DLG2: variants seen among roughly 807,000 people sequenced by gnomAD.
The protein encoded by DLG2 is disks large homolog 2.
Under a neutral mutation model 132.5 loss-of-function variants are expected in DLG2, and 45 were observed. The ratio of observed to expected loss-of-function variants is 0.34; its 90% CI spans 0.27 to 0.44. The LOEUF (loss-of-function observed/expected upper bound fraction) is 0.44. DLG2 is among the 20% of genes least tolerant of loss of function. The pLI is 1.00. For missense variants in DLG2, 1,045 were observed against 1,196.9 expected (o/e 0.87, Z 1.87); for synonymous variants, 424 against 419.6 (o/e 1.01, Z -0.13).
chr11:83,529,093 G>T (rs1459317493), intron 21 of DLG2, among the ~76,000 whole-genome samples: 5 of 151,988 alleles, frequency 3.3e-5, no homozygotes, highest in Non-Finnish European at 5.9e-5. Context: ...TTCACTCTGG[G>T]CTCCTCAGGA....
At chr11:84,460,363 G>A (rs1304997749) in intron 7 of DLG2, among the ~76,000 whole-genome samples, 2 of 150,466 alleles carry the variant, frequency 1.3e-5, no homozygotes, top group African/African-American at 4.9e-5. Flanking sequence ...ATCAAGTGAA[G>A]TTAATATTGC....
chr11:84,582,410 A>T (rs998370830), intron 6 of DLG2, among the ~76,000 whole-genome samples: 5 of 149,022 alleles, frequency 3.4e-5, no homozygotes, highest in African/African-American at 1.2e-4. Flanking sequence ...CTTTTAAGTT[A>T]AAATACATAT....
At chr11:84,632,980 T>G (rs1405919514) in intron 6 of DLG2, among the ~76,000 whole-genome samples, 1 of 152,196 alleles carries the variant, frequency 6.6e-6, no homozygotes, top group Non-Finnish European at 1.5e-5. Context: ...ATTCCATAGC[T>G]TTTCTTTCTT....
intron 6 of DLG2, among the ~76,000 whole-genome samples, chr11:84,731,642 G>A (rs1439050619): frequency 6.6e-6 from 1 of 152,020 alleles, no homozygotes; most frequent in Non-Finnish European, 1.5e-5. Flanking sequence ...AGAAAATAAG[G>A]GGAAATATCA....
intron 6 of DLG2, among the ~76,000 whole-genome samples, chr11:84,537,128 G>A (rs993244225): frequency 5.3e-5 from 8 of 151,588 alleles, no homozygotes; most frequent in Admixed American, 3.9e-4. Flanking sequence ...TTTATGAGAC[G>A]GACTCCAGCT....
rs146177905 is a variant in DLG2 at position 84,137,425 on chromosome 11, A to T, written c.624+26036T>A. ...CTGGAGGGCATAATTTTCAGGTGACATGACCAAATTTTATGTGTGTGTGTG... is the reference window on the plus strand; with the variant it reads ...CTGGAGGGCATAATTTTCAGGTGACTTGACCAAATTTTATGTGTGTGTGTG... On this transcript the variant is annotated intron_variant, in intron 9 of 27. Coordinates refer to ENST00000376104, the MANE Select transcript of DLG2 (RefSeq NM_001142699.3). 3.3e-5 allele frequency among the ~76,000 whole-genome samples: 5 copies of T among 152,112 alleles called. No homozygotes were observed. In the East Asian group the frequency reaches 9.7e-4, roughly 29 times the overall value.
intron 21 of DLG2, among the ~76,000 whole-genome samples, chr11:83,487,336 A>G (rs1024886870): frequency 5.3e-5 from 8 of 151,978 alleles, no homozygotes; most frequent in African/African-American, 1.7e-4. Context: ...ACTAACAAAC[A>G]TTTATTGAGC....
intron 11 of DLG2, among the ~76,000 whole-genome samples, chr11:83,999,917 C>G (rs948394510): frequency 6.6e-6 from 1 of 150,856 alleles, no homozygotes; most frequent in African/African-American, 2.4e-5. Flanking sequence ...GTGACTTATA[C>G]CAGATCACAC....
intron 14 of DLG2, among the ~76,000 whole-genome samples, chr11:83,937,400 G>C (rs1002513803): frequency 6.6e-6 from 1 of 151,098 alleles, no homozygotes; most frequent in Non-Finnish European, 1.5e-5. Flanking sequence ...CCAGCTACTC[G>C]GGGAGGCTGA....
intron 7 of DLG2, among the ~76,000 whole-genome samples, chr11:84,257,947 C>T (rs912794263): frequency 1.3e-5 from 2 of 152,044 alleles, no homozygotes; most frequent in Non-Finnish European, 2.9e-5. Context: ...TCAGCCTCCC[C>T]AGATGCTGGG....
At chr11:85,337,832 G>T (rs1450297595) in intron 3 of DLG2, among the ~76,000 whole-genome samples, 1 of 152,122 alleles carries the variant, frequency 6.6e-6, no homozygotes, top group Non-Finnish European at 1.5e-5. Flanking sequence ...GTGTATTGAA[G>T]AAACAAAAAC....
chr11:85,178,257 G>C (rs564446781), intron 4 of DLG2, among the ~76,000 whole-genome samples: 1 of 151,908 alleles, frequency 6.6e-6, no homozygotes, highest in African/African-American at 2.4e-5. Context: ...AGTATTCAGG[G>C]AAAAAAGGCA....
chr11:84,071,293 T>C (rs1160847661), intron 10 of DLG2, among the ~76,000 whole-genome samples: 1 of 151,948 alleles, frequency 6.6e-6, no homozygotes, highest in Non-Finnish European at 1.5e-5. Flanking sequence ...CTTGTAGAGA[T>C]GGGGTTTTGC....
intron 3 of DLG2, among the ~76,000 whole-genome samples, chr11:85,287,313 T>C (rs752870148): frequency 9.9e-5 from 15 of 151,452 alleles, no homozygotes; most frequent in African/African-American, 2.7e-4. Flanking sequence ...GAAATACAAA[T>C]CGCAAAGAAA....
At chr11:85,107,730 A>G (rs2072003632) in intron 6 of DLG2, among the ~76,000 whole-genome samples, 1 of 151,994 alleles carries the variant, frequency 6.6e-6, no homozygotes, top group Non-Finnish European at 1.5e-5. Context: ...AGGGTAAGGA[A>G]GGCTATCATT....
intron 18 of DLG2, among the ~76,000 whole-genome samples, chr11:83,740,428 A>G (rs1157703954): frequency 2.6e-5 from 4 of 152,200 alleles, no homozygotes; most frequent in Non-Finnish European, 5.9e-5. Context: ...ATATGATTAT[A>G]TTTATTTAAA....
At chr11:84,259,829 T>A (rs1239826836) in intron 7 of DLG2, among the ~76,000 whole-genome samples, 1 of 152,120 alleles carries the variant, frequency 6.6e-6, no homozygotes, top group Non-Finnish European at 1.5e-5. Flanking sequence ...CCAAGGTCAT[T>A]CAGCTGGTAA....
intron 6 of DLG2, among the ~76,000 whole-genome samples, chr11:85,044,213 C>A (rs1477338454): frequency 6.6e-6 from 1 of 151,958 alleles, no homozygotes; most frequent in East Asian, 1.9e-4. Flanking sequence ...TTAGATGCTG[C>A]TCCTGTTGTG....
chr11:85,421,418 C>CT (rs1475172956), intron 3 of DLG2, among the ~76,000 whole-genome samples: 56 of 149,826 alleles, frequency 3.7e-4, no homozygotes, highest in South Asian at 4.2e-4. Flanking sequence ...CCATCCCTCC[C>CT]CCTTTTTTTT....
Sources: allele counts gnomAD v4.1 joint callset (sites outside exome capture counted in the v4.1 genomes callset), GRCh38; gene constraint gnomAD v4.1.1; transcripts MANE v1.5; gene names NCBI Gene and HGNC (gene_info 2026-07-23, HGNC 2026-07-21).